The following RNF125 variants were observed in gnomAD, a reference collection of about 807,000 sequenced individuals.
The protein encoded by RNF125 is E3 ubiquitin-protein ligase RNF125.
A neutral mutation model predicts 26.0 loss-of-function variants in RNF125; 21 were observed. The ratio of observed to expected loss-of-function variants is 0.81; its 90% CI spans 0.57 to 1.16. The LOEUF is 1.16. RNF125 is among the 50% of genes most tolerant of loss of function. RNF125 has a pLI of 0.00. For synonymous variants in RNF125, 95 were observed against 109.2 expected, an observed-to-expected ratio of 0.87 and a Z score of 0.81; for missense variants, 270 against 299.4, an observed-to-expected ratio of 0.90 and a Z score of 0.72.
downstream of RNF125, chr18:32,075,847 T>A: frequency 1.3e-6 from 1 of 776,854 alleles, no homozygotes; most frequent in Non-Finnish European, 2.2e-6. Context: ...TGTGTGTATG[T>A]CCACGAGTCA....
chr18:32,027,619 T>G (rs2039049519), intron 1 of RNF125, among the ~76,000 whole-genome samples: 1 of 152,116 alleles, frequency 6.6e-6, no homozygotes, highest in African/African-American at 2.4e-5. Context: ...AAAAATGAGT[T>G]TACCTTTCTT....
At chr18:32,067,893 A>G (rs979531744) in intron 5 of RNF125, among the ~76,000 whole-genome samples, 1 of 152,144 alleles carries the variant, frequency 6.6e-6, no homozygotes, top group Non-Finnish European at 1.5e-5. Context: ...TGTTTTTAAC[A>G]TTTTCTTCAG....
At chr18:32,038,158 A>G (rs2039180113) in intron 2 of RNF125, among the ~76,000 whole-genome samples, 2 of 148,018 alleles carry the variant, frequency 1.4e-5, no homozygotes, top group South Asian at 4.2e-4. Context: ...AAGTGATTCT[A>G]ATGCCTCAGC....
At chr18:32,074,823 G>A (rs1390724713), downstream of RNF125, among the ~76,000 whole-genome samples, 2 of 152,184 alleles carry the variant, frequency 1.3e-5, no homozygotes, top group Non-Finnish European at 1.5e-5. Flanking sequence ...GATTACAGGC[G>A]TGAGCCACCA....
the RNF125 span, among the ~76,000 whole-genome samples, chr18:32,086,959 TG>T: frequency 2.0e-5 from 3 of 152,150 alleles, no homozygotes; most frequent in African/African-American, 7.2e-5. Flanking sequence ...GCCTTGTCTT[TG>T]ATCATCAAAG....
At chr18:32,030,798 C>A (rs990861122) in intron 1 of RNF125, among the ~76,000 whole-genome samples, 1 of 152,178 alleles carries the variant, frequency 6.6e-6, no homozygotes, top group African/African-American at 2.4e-5. Flanking sequence ...CTAGGGTCAT[C>A]CCCTGGTGGA....
chr18:32,037,071 A>AT (rs1255388591), intron 1 of RNF125, 45 bp from the exon 2 acceptor site: 2 of 1,544,506 alleles, frequency 1.3e-6, no homozygotes, highest in Admixed American at 2.1e-5. Context: ...GTGGCTCCTT[A>AT]TAGCTTTCAA....
At chr18:32,021,265 A>G (rs1010306668) in intron 1 of RNF125, among the ~76,000 whole-genome samples, 2 of 152,208 alleles carry the variant, frequency 1.3e-5, no homozygotes, top group African/African-American at 4.8e-5. Flanking sequence ...TATATTTAGT[A>G]GAGACGGGGT....
At chr18:32,036,642 GGA>G (rs2039158678) in intron 1 of RNF125, among the ~76,000 whole-genome samples, 1 of 120,954 alleles carries the variant, frequency 8.3e-6, no homozygotes, top group Non-Finnish European at 1.8e-5. Flanking sequence ...GGGAGGGAGG[GGA>G]GAGGGGAGGG....
chr18:32,059,325 G>A (rs186261442), intron 4 of RNF125, among the ~76,000 whole-genome samples: 1 of 152,320 alleles, frequency 6.6e-6, no homozygotes, highest in East Asian at 1.9e-4. Flanking sequence ...TACCTGCGGT[G>A]AGATGATATC....
chr18:32,046,551 C>T (rs1194142427), intron 4 of RNF125, among the ~76,000 whole-genome samples: 1 of 139,932 alleles, frequency 7.1e-6, no homozygotes, highest in Admixed American at 7.7e-5. Flanking sequence ...GAGCTGAGAT[C>T]GTGCCACTGC....
chr18:32,046,132 G>A (rs370542856), intron 4 of RNF125, among the ~76,000 whole-genome samples: 1 of 146,354 alleles, frequency 6.8e-6, no homozygotes, highest in Non-Finnish European at 1.5e-5. Flanking sequence ...CAGAAGAATC[G>A]CTTGAACCTG....
At chr18:32,026,342 G>C (rs189671850) in intron 1 of RNF125, among the ~76,000 whole-genome samples, 1,965 of 142,534 alleles carry the variant, frequency 0.014, 13 homozygotes, top group Middle Eastern at 0.048. Flanking sequence ...TCTGCCTCCC[G>C]GGTTCAAGCA....
At chr18:32,033,283 C>T (rs575262110) in intron 1 of RNF125, among the ~76,000 whole-genome samples, 1 of 152,072 alleles carries the variant, frequency 6.6e-6, no homozygotes, top group South Asian at 2.1e-4. Context: ...GGAATCCCTT[C>T]TCCTGGGAGC....
intron 1 of RNF125, among the ~76,000 whole-genome samples, chr18:32,029,338 G>T (rs1260432658): frequency 6.6e-6 from 1 of 151,908 alleles, no homozygotes; most frequent in African/African-American, 2.4e-5. Flanking sequence ...CTTAAAAGGA[G>T]TCTGGAGGCT....
At chr18:32,023,822 C>T (rs1355297221) in intron 1 of RNF125, among the ~76,000 whole-genome samples, 2 of 152,102 alleles carry the variant, frequency 1.3e-5, no homozygotes, top group Non-Finnish European at 2.9e-5. Flanking sequence ...TTTGGAAGGC[C>T]GATGCAGGAG....
At chr18:32,061,531 C>G (rs1200754578) in intron 4 of RNF125, among the ~76,000 whole-genome samples, 1 of 152,194 alleles carries the variant, frequency 6.6e-6, no homozygotes, top group Non-Finnish European at 1.5e-5. Flanking sequence ...CCAACTTTCC[C>G]TACCTTCAGT....
chr18:32,035,682 G>GT (rs2039145469), intron 1 of RNF125, among the ~76,000 whole-genome samples: 1 of 152,178 alleles, frequency 6.6e-6, no homozygotes, highest in Non-Finnish European at 1.5e-5. Context: ...TTTATAGGAA[G>GT]TACAGAAACA....
chr18:32,054,517 T>C (rs1054858088), intron 4 of RNF125, among the ~76,000 whole-genome samples: 2 of 152,218 alleles, frequency 1.3e-5, no homozygotes, highest in African/African-American at 4.8e-5. Flanking sequence ...GTAATAGTGA[T>C]GCATGAGAGT....
Sources: gnomAD v4.1 joint callset for allele counts (sites outside exome capture counted in the v4.1 genomes callset) on GRCh38, gnomAD v4.1.1 for gene constraint, MANE v1.5 for transcripts, NCBI Gene and HGNC (gene_info 2026-07-23, HGNC 2026-07-21) for gene names.